The following TSBP1 variants were observed in gnomAD, a reference collection of about 807,000 sequenced individuals.
TSBP1 encodes the protein testis expressed basic protein 1.
TSBP1 carries 56 observed loss-of-function variants against 68.8 expected under a neutral mutation model. That is an observed-to-expected ratio of 0.81 (90% CI 0.66 to 1.02). TSBP1 has a LOEUF of 1.02. TSBP1 is among the 50% of genes least tolerant of loss of function. The pLI, the probability that TSBP1 is intolerant of heterozygous loss-of-function variation, is 0.00. For synonymous variants in TSBP1, 171 were observed against 208.7 expected, an observed-to-expected ratio of 0.82 and a Z score of 1.56; for missense variants, 502 against 641.2, an observed-to-expected ratio of 0.78 and a Z score of 2.34.
intron 18 of TSBP1, 31 bp downstream of exon 20, chr6:32,322,455 C>T: frequency 6.4e-7 from 1 of 1,561,458 alleles, no homozygotes; most frequent in Non-Finnish European, 8.8e-7. Flanking sequence ...AAAGTCCCCA[C>T]ATATGACCAG....
intron 16 of TSBP1, among the ~76,000 whole-genome samples, chr6:32,329,812 C>T (rs1444152515): frequency 6.6e-6 from 1 of 152,116 alleles, no homozygotes; most frequent in Non-Finnish European, 1.5e-5. Context: ...TAATGCTATC[C>T]CTTAATTTCT....
chr6:32,355,818 TAA>T (rs1772246069), intron 6 of TSBP1, 149 bp from the exon 7 acceptor site: 3 of 980,304 alleles, frequency 3.1e-6, no homozygotes, highest in Non-Finnish European at 4.2e-6. Context: ...GCTTAATTTA[TAA>T]GTTTAATGAC....
chr6:32,330,598 C>T lies in TSBP1; in HGVS notation c.505G>A (p.Gly169Arg), dbSNP rs139932111. 2,747 of 1,603,934 alleles carry T rather than the reference C, an allele frequency of 1.7e-3. 15 individuals carry two copies. Among genetic ancestry groups the T allele is most frequent in the African/African-American group, 0.014 (1,032 of 74,192 alleles). The change falls in exon 16 of 23, where the codon GGA becomes AGA. Residue 169 changes from glycine (G) to arginine (R), a missense_variant. Gly to Arg is a moderately radical substitution (Grantham distance 125). Coordinates refer to ENST00000612031, the Ensembl canonical transcript of TSBP1. ...TAGATAAGGTACTTACCATTGGATC[C>T]AGGATATTGTACTAAAAAATAGAAA... is the stretch of plus-strand genomic sequence containing the variant.
rs997101247 is a variant in TSBP1 at position 32,335,381 on chromosome 6, T to C, written c.472+56A>G. 1.7e-5 allele frequency: 25 copies of C among 1,459,016 alleles called. No homozygotes were observed. The highest frequency in any genetic ancestry group is 2.6e-5 in the East Asian group (1 of 38,336). The allele number at this position is 1,459,016 out of a possible 1,614,324, so 90.4% of individuals were successfully genotyped here. On this transcript the variant is annotated intron_variant, in intron 14 of 22. Coordinates refer to ENST00000612031, the Ensembl canonical transcript of TSBP1. This position sits in a 1 kb window ranked among gnomAD's most constrained non-coding sequence, Gnocchi z 5.5. ...CATGAATAATTGAAATAAAAATAGA[T>C]TGATGTTCTAAGTAAAGTACTAAAA...
chr6:32,349,614 T>G, intron 9 of TSBP1, 126 bp downstream of exon 9: 1 of 631,446 alleles, frequency 1.6e-6, no homozygotes, highest in Non-Finnish European at 2.8e-6. Context: ...ACAAAGAAAT[T>G]GGAGAAATGT....
At chr6:32,300,451 C>A (rs1299973433) in intron 21 of TSBP1, among the ~76,000 whole-genome samples, 1 of 152,014 alleles carries the variant, frequency 6.6e-6, no homozygotes, top group Non-Finnish European at 1.5e-5. Context: ...TATATGCTAC[C>A]AATAATCTTT....
At chr6:32,371,535 C>T (rs1426923965) in intron 1 of TSBP1, among the ~76,000 whole-genome samples, 159 bp downstream of exon 1, 1 of 152,074 alleles carries the variant, frequency 6.6e-6, no homozygotes, top group Non-Finnish European at 1.5e-5. Context: ...TTCCCCCAGG[C>T]TTCCAGAGGA....
At chr6:32,308,369 C>T (rs1028398455) in intron 19 of TSBP1, among the ~76,000 whole-genome samples, 5 of 151,276 alleles carry the variant, frequency 3.3e-5, no homozygotes, top group Admixed American at 6.6e-5. Context: ...GAGGCCGAGG[C>T]GGGCGGATCA....
rs1765107824 is a variant in TSBP1 at position 32,299,902 on chromosome 6, A to G, written c.637+20T>C. ...AAAGCAATGTAAAATATCAGAGTTGAGAATAGATATGGAACTTACCCACAG... is the reference window on the plus strand; with the variant it reads ...AAAGCAATGTAAAATATCAGAGTTGGGAATAGATATGGAACTTACCCACAG... On this transcript the variant is annotated intron_variant, in intron 22 of 22. Transcript: ENST00000612031. 1 of 1,588,424 alleles carries G rather than the reference A, an allele frequency of 6.3e-7. No homozygotes were observed. Among genetic ancestry groups the G allele is most frequent in the Non-Finnish European group, 8.6e-7 (1 of 1,156,562 alleles).
At chr6:32,307,778 G>T (rs480085) in intron 19 of TSBP1, among the ~76,000 whole-genome samples, 49,578 of 146,438 alleles carry the variant, frequency 0.34, 9,308 homozygotes, top group Middle Eastern at 0.52. Context: ...TAATTGCCTG[G>T]TTTTTTTTTT....
In TSBP1 at chr6:32,333,008, T is replaced by G. The variant is rs1401561802; in HGVS notation, c.473-954A>C. Among the ~76,000 whole-genome samples the G allele has an allele frequency of 6.6e-6, 1 of 151,960 alleles. No individual in the cohort carries two copies. Among genetic ancestry groups the G allele is most frequent in the Admixed American group, 6.6e-5 (1 of 15,258 alleles). On this transcript the variant is annotated intron_variant, in intron 14 of 22. Coordinates refer to ENST00000612031, the Ensembl canonical transcript of TSBP1. The surrounding 1 kb of genome is among the most constrained non-coding windows in gnomAD (Gnocchi z 4.2). ...AATATCGAAAGCCTGTTATGTTTTT[T>G]TTGTTGTTGTTTTTTTTTTAGACAG...
At chr6:32,356,498 T>C (rs1371455741) in intron 6 of TSBP1, among the ~76,000 whole-genome samples, 1 of 152,156 alleles carries the variant, frequency 6.6e-6, no homozygotes, top group Non-Finnish European at 1.5e-5. Context: ...AGTGGGTGTG[T>C]TACCTGAGGT....
rs773661576 is a variant in TSBP1 at position 32,333,149 on chromosome 6, C to T, written c.473-1095G>A. 3.3e-5 allele frequency among the ~76,000 whole-genome samples: 5 copies of T among 151,946 alleles called. No homozygotes were observed. The highest frequency in any genetic ancestry group is 4.4e-5 in the Non-Finnish European group (3 of 68,018). On this transcript the variant is annotated intron_variant, in intron 14 of 22. Transcript: ENST00000612031. This position sits in a 1 kb window ranked among gnomAD's most constrained non-coding sequence, Gnocchi z 4.2. ...TTAGCCTCCTGAGTAGCTGGGACTG[C>T]AGGCGCACGACACCACACCCAGCTA...
At chr6:32,300,746 C>T (rs369331936) in intron 20 of TSBP1, 46 bp from the exon 24 acceptor site, 2 of 1,557,938 alleles carry the variant, frequency 1.3e-6, no homozygotes, top group Non-Finnish European at 1.8e-6. Flanking sequence ...TGGGCATTCC[C>T]TTCTTCCCAG....
chr6:32,360,862 A>G (rs957491295), intron 6 of TSBP1, among the ~76,000 whole-genome samples: 3 of 145,812 alleles, frequency 2.1e-5, no homozygotes, highest in Non-Finnish European at 3.0e-5. Context: ...ATTTTATTTT[A>G]TTTTGTTTTT....
At chr6:32,307,607 A>T (rs1421054147) in intron 19 of TSBP1, among the ~76,000 whole-genome samples, 1 of 143,864 alleles carries the variant, frequency 7.0e-6, no homozygotes, top group Non-Finnish European at 1.5e-5. Flanking sequence ...TGTTTATTTT[A>T]TGAGAGAAAT....
At chr6:32,370,016 A>G (rs781042234) in intron 1 of TSBP1, 33 bp from the exon 2 acceptor site, 3 of 1,388,010 alleles carry the variant, frequency 2.2e-6, no homozygotes, top group East Asian at 2.3e-5. Flanking sequence ...AAACATGCTT[A>G]TTTAGACCAG....
Position 32,355,641 on chromosome 6 carries a change from A to C in TSBP1, c.238+8T>G, listed in dbSNP as rs766215598. ...CAAATTTTTGTTAAGAAGCAAGATA[A>C]TACTTACTGTAATCTCTTTTGGATC... is the stretch of plus-strand genomic sequence containing the variant. On this transcript the variant is annotated splice_region_variant and intron_variant, in intron 7 of 22. Transcript: ENST00000612031. 6.3e-7 allele frequency: 1 copy of C among 1,591,000 alleles called. No individual in the cohort carries two copies. The highest frequency in any genetic ancestry group is 1.1e-5 in the South Asian group (1 of 88,396).
rs772925821 is a variant in TSBP1 at position 32,335,469 on chromosome 6, AG to A, written c.452-13del. On this transcript the variant is annotated splice_polypyrimidine_tract_variant and intron_variant, in intron 13 of 22. Coordinates refer to ENST00000612031, the Ensembl canonical transcript of TSBP1. The surrounding 1 kb of genome is among the most constrained non-coding windows in gnomAD (Gnocchi z 5.5). ...TTTTTGAGAGAGCTCTAAAAAAAAA[AG>A]AGAAAAGAAATCAGTAGCTATATAT... is the stretch of plus-strand genomic sequence containing the variant. The A allele has an allele frequency of 1.3e-4, 189 of 1,467,130 alleles. 1 individual carries two copies. The African/African-American group carries it at 2.4e-3, about 18-fold the overall frequency. The allele number at this position is 1,467,130 out of a possible 1,614,324, so 90.9% of individuals were successfully genotyped here.
Sources: gnomAD v4.1 joint callset for allele counts (sites outside exome capture counted in the v4.1 genomes callset) on GRCh38, gnomAD v4.1.1 for gene constraint, Gnocchi (gnomAD v3.1) non-coding constraint, MANE v1.5 for transcripts, NCBI Gene and HGNC (gene_info 2026-07-23, HGNC 2026-07-21) for gene names.